CREB5: variants seen among roughly 807,000 people sequenced by gnomAD.
The protein encoded by CREB5 is cyclic AMP-responsive element-binding protein 5.
Under a neutral mutation model 57.1 loss-of-function variants are expected in CREB5, and 19 were observed. The observed-to-expected ratio is 0.33, with a 90% CI of 0.23 to 0.49. The LOEUF (loss-of-function observed/expected upper bound fraction) is 0.49, where lower values mean the gene tolerates loss of function less well. Ranked by LOEUF, CREB5 falls within the 20% of genes least tolerant of loss-of-function variation. The probability of loss-of-function intolerance (pLI) is 0.99; values close to 1 mark genes in which losing one functional copy is unlikely to be tolerated. For missense variants in CREB5, 579 were observed against 671.6 expected, an observed-to-expected ratio of 0.86 and a Z score of 1.52; for synonymous variants, 238 against 238.3, an observed-to-expected ratio of 1.00 and a Z score of 0.01.
rs554239617 is a variant in CREB5 at position 28,561,822 on chromosome 7, C to T, written c.292-8543C>T. 3.9e-5 allele frequency among the ~76,000 whole-genome samples: 6 copies of T among 152,332 alleles called. No individual in the cohort carries two copies. In the South Asian group the frequency reaches 6.2e-4, roughly 16 times the overall value. ...GCAGTGGTGCAATCTCAGCTCATTG[C>T]AACTTCTGCCTCCCTGGTTCAAGCA... On this transcript the variant is annotated intron_variant, in intron 4 of 10. Coordinates refer to ENST00000357727, the MANE Select transcript of CREB5 (RefSeq NM_182898.4).
intron 7 of CREB5, among the ~76,000 whole-genome samples, chr7:28,731,537 G>A (rs1469440216): frequency 6.6e-6 from 1 of 152,188 alleles, no homozygotes; most frequent in Non-Finnish European, 1.5e-5. Flanking sequence ...GAGAAAAAAA[G>A]GCCTGAAGTT....
intron 1 of CREB5, among the ~76,000 whole-genome samples, chr7:28,367,871 C>G (rs1786621598): frequency 1.3e-5 from 2 of 152,002 alleles, no homozygotes; most frequent in South Asian, 4.2e-4. Context: ...AAAACATATT[C>G]TGGATCCATC....
intron 7 of CREB5, among the ~76,000 whole-genome samples, chr7:28,752,584 C>T (rs1805047829): frequency 6.6e-6 from 1 of 152,216 alleles, no homozygotes; most frequent in South Asian, 2.1e-4. Flanking sequence ...GATGTATTTT[C>T]TTGCATTAAC....
At chr7:28,744,986 A>G (rs1804611685) in intron 7 of CREB5, among the ~76,000 whole-genome samples, 1 of 152,234 alleles carries the variant, frequency 6.6e-6, no homozygotes. Flanking sequence ...AGCTGAAAGC[A>G]GGCAAGAGAG....
At chr7:28,498,236 A>G (rs1307597306) in intron 3 of CREB5, among the ~76,000 whole-genome samples, 1 of 152,206 alleles carries the variant, frequency 6.6e-6, no homozygotes, top group East Asian at 1.9e-4. Context: ...TAATAAAAAT[A>G]ATGTAAATCA....
intron 2 of CREB5, among the ~76,000 whole-genome samples, chr7:28,493,719 G>C (rs1167838530): frequency 6.6e-6 from 1 of 152,142 alleles, no homozygotes; most frequent in Non-Finnish European, 1.5e-5. Flanking sequence ...AGAAAATTCA[G>C]TCCCACCATG....
At chr7:28,446,524 G>A (rs1041315914) in intron 1 of CREB5, among the ~76,000 whole-genome samples, 2 of 152,144 alleles carry the variant, frequency 1.3e-5, no homozygotes, top group Non-Finnish European at 1.5e-5. Flanking sequence ...CGGGCGTGGT[G>A]GCTCACACCT....
intron 1 of CREB5, chr7:28,435,832 G>A (rs1400559224): frequency 8.2e-6 from 2 of 243,466 alleles, no homozygotes; most frequent in African/African-American, 2.3e-5. Flanking sequence ...AGAGCTGGAA[G>A]ATTGGTGACT....
Position 28,819,098 on chromosome 7 carries a change from C to CTT in CREB5, c.1364-10_1364-9dup, listed in dbSNP as rs746247562. 6.3e-7 allele frequency: 1 copy of CTT among 1,594,444 alleles called. No individual in the cohort carries two copies. Among genetic ancestry groups the CTT allele is most frequent in the South Asian group, 1.1e-5 (1 of 88,808 alleles). On this transcript the variant is annotated splice_polypyrimidine_tract_variant and intron_variant, in intron 10 of 10. Coordinates refer to ENST00000357727, the MANE Select transcript of CREB5 (RefSeq NM_182898.4). ...GTGTGTGTGTATGTGTGTGTGTTGT[C>CTT]TTTTTTTTTCTCCCTAGGTCCAGAG...
At chr7:28,781,503 C>G (rs1562636718) in intron 7 of CREB5, among the ~76,000 whole-genome samples, 1 of 152,160 alleles carries the variant, frequency 6.6e-6, no homozygotes, top group Non-Finnish European at 1.5e-5. Flanking sequence ...GAAGCAAACC[C>G]CAGAAGTCAA....
intron 1 of CREB5, among the ~76,000 whole-genome samples, chr7:28,477,122 G>A (rs558061086): frequency 2.0e-5 from 3 of 152,294 alleles, no homozygotes; most frequent in African/African-American, 7.2e-5. Context: ...TGCCCCTGGT[G>A]TGTGCCCAAG....
intron 1 of CREB5, among the ~76,000 whole-genome samples, chr7:28,336,972 A>G (rs969531826): frequency 1.3e-5 from 2 of 151,942 alleles, no homozygotes; most frequent in Middle Eastern, 3.2e-3. Flanking sequence ...TCAGGAGCAT[A>G]TTGTTTAATT....
At chr7:28,666,435 G>C (rs1799827167) in intron 5 of CREB5, among the ~76,000 whole-genome samples, 1 of 152,198 alleles carries the variant, frequency 6.6e-6, no homozygotes, top group South Asian at 2.1e-4. Context: ...GTAGTTCCCT[G>C]ACTTGAGTCA....
At chr7:28,794,847 T>A (rs1457475892) in intron 7 of CREB5, among the ~76,000 whole-genome samples, 1 of 152,192 alleles carries the variant, frequency 6.6e-6, no homozygotes, top group African/African-American at 2.4e-5. Flanking sequence ...TAATGAACAC[T>A]TTTTAGAAAT....
At chr7:28,533,403 G>A (rs1239603891) in intron 4 of CREB5, among the ~76,000 whole-genome samples, 1 of 152,202 alleles carries the variant, frequency 6.6e-6, no homozygotes, top group African/African-American at 2.4e-5. Flanking sequence ...CGGGCCATAA[G>A]ACACATGGAC....
intron 1 of CREB5, among the ~76,000 whole-genome samples, chr7:28,399,727 C>A (rs374140570): frequency 7.9e-5 from 12 of 152,112 alleles, no homozygotes; most frequent in Admixed American, 2.0e-4. Context: ...TCAGCCTGGG[C>A]AACATAGCAA....
At chr7:28,444,722 C>T (rs751279711) in intron 1 of CREB5, among the ~76,000 whole-genome samples, 1 of 152,308 alleles carries the variant, frequency 6.6e-6, no homozygotes, top group Non-Finnish European at 1.5e-5. Flanking sequence ...GCACCTGAAG[C>T]TATTGGCTCT....
At chr7:28,434,615 C>A (rs1189350689) in intron 1 of CREB5, among the ~76,000 whole-genome samples, 1 of 152,116 alleles carries the variant, frequency 6.6e-6, no homozygotes, top group Non-Finnish European at 1.5e-5. Flanking sequence ...ATATTTGAGG[C>A]TGTTGATTTT....
intron 4 of CREB5, among the ~76,000 whole-genome samples, chr7:28,560,884 G>GCGCA (rs1583629591): frequency 2.9e-5 from 1 of 34,864 alleles, no homozygotes; most frequent in East Asian, 1.6e-3. Flanking sequence ...GCGTGCGTGC[G>GCGCA]TGCGTGTGTG....
Sources: allele counts gnomAD v4.1 joint callset (sites outside exome capture counted in the v4.1 genomes callset), GRCh38; gene constraint gnomAD v4.1.1; transcripts MANE v1.5; gene names NCBI Gene and HGNC (gene_info 2026-07-23, HGNC 2026-07-21).